OXR1: variants seen among roughly 807,000 people sequenced by gnomAD.
OXR1 encodes oxidation resistance protein 1.
OXR1 carries 41 observed loss-of-function variants against 104.6 expected under a neutral mutation model. The observed-to-expected ratio is 0.39, with a 90% CI of 0.31 to 0.51. The LOEUF is 0.51. Ranked by LOEUF, OXR1 falls within the 20% of genes least tolerant of loss-of-function variation. The probability of loss-of-function intolerance (pLI) is 0.77; values close to 1 mark genes in which losing one functional copy is unlikely to be tolerated. For missense variants in OXR1, 955 were observed against 1,031.9 expected (o/e 0.93, Z 1.02); for synonymous variants, 348 against 348.4 (o/e 1.00, Z 0.01).
intron 3 of OXR1, among the ~76,000 whole-genome samples, chr8:106,605,545 A>T (rs1820306557): frequency 1.3e-5 from 2 of 151,726 alleles, no homozygotes; most frequent in Non-Finnish European, 2.9e-5. Flanking sequence ...CTGTAATTCC[A>T]GCACTTTTGG....
intron 3 of OXR1, among the ~76,000 whole-genome samples, chr8:106,627,076 C>CA (rs1056087546): frequency 1.3e-5 from 2 of 150,794 alleles, no homozygotes; most frequent in African/African-American, 2.4e-5. Flanking sequence ...AAAACCAAGG[C>CA]AAAAAAAAGT....
chr8:106,497,529 T>A (rs951668366), intron 2 of OXR1, among the ~76,000 whole-genome samples: 6 of 152,198 alleles, frequency 3.9e-5, no homozygotes, highest in African/African-American at 1.4e-4. Context: ...AAAATTGAAA[T>A]AATACAGTCT....
chr8:106,351,516 G>A lies in OXR1; in HGVS notation c.-138-7960G>A, dbSNP rs185917159. On this transcript the variant is annotated intron_variant, in intron 1 of 16. Transcript: ENST00000517566. ...GACAAAGAGAAAATAGCACATCAAAGGCCTGTAAGCTGTGGAGACACAGAT... is the reference window on the plus strand; with the variant it reads ...GACAAAGAGAAAATAGCACATCAAAAGCCTGTAAGCTGTGGAGACACAGAT... Among the ~76,000 whole-genome samples the A allele has an allele frequency of 1.6e-3, 243 of 152,292 alleles. 1 individual carries two copies. Among genetic ancestry groups the A allele is most frequent in the African/African-American group, 5.7e-3 (239 of 41,568 alleles).
intron 3 of OXR1, among the ~76,000 whole-genome samples, chr8:106,532,200 G>A (rs1197804297): frequency 6.6e-6 from 1 of 152,220 alleles, no homozygotes; most frequent in Non-Finnish European, 1.5e-5. Context: ...GTGTCTTGAT[G>A]AGATTGCTTT....
intron 7 of OXR1, among the ~76,000 whole-genome samples, chr8:106,696,789 C>A (rs1374095669): frequency 1.3e-5 from 2 of 152,156 alleles, no homozygotes; most frequent in Non-Finnish European, 2.9e-5. Context: ...CCTCAAGCCC[C>A]AGACCATGGT....
At chr8:106,305,672 A>C (rs1399432887) in intron 1 of OXR1, among the ~76,000 whole-genome samples, 1 of 152,054 alleles carries the variant, frequency 6.6e-6, no homozygotes, top group Non-Finnish European at 1.5e-5. Flanking sequence ...GCTGCTTCTC[A>C]TGTTTTTTTA....
chr8:106,610,105 T>A (rs1457290476), intron 3 of OXR1, among the ~76,000 whole-genome samples: 1 of 151,940 alleles, frequency 6.6e-6, no homozygotes, highest in Non-Finnish European at 1.5e-5. Flanking sequence ...CTTTTGATTT[T>A]TTTTTTTTTT....
chr8:106,327,799 G>C (rs1814534200), intron 1 of OXR1, among the ~76,000 whole-genome samples: 1 of 152,190 alleles, frequency 6.6e-6, no homozygotes, highest in African/African-American at 2.4e-5. Flanking sequence ...CATAATTCAA[G>C]TTAATCTATC....
intron 4 of OXR1, chr8:106,682,675 A>G (rs1828294723): frequency 1.3e-5 from 2 of 154,260 alleles, no homozygotes; most frequent in Admixed American, 1.3e-4. Flanking sequence ...CTCATTATTT[A>G]TGATTTCTAC....
chr8:106,679,408 T>C, intron 4 of OXR1, 116 bp downstream of exon 4: 1 of 469,424 alleles, frequency 2.1e-6, no homozygotes, highest in Non-Finnish European at 3.8e-6. Context: ...TTTAAAAATC[T>C]GTATTTCACT....
chr8:106,720,610 A>G (rs1043593243), intron 11 of OXR1: 1 of 386,150 alleles, frequency 2.6e-6, no homozygotes, highest in Non-Finnish European at 3.5e-6. Context: ...TTAAGAAAAC[A>G]TATTTTCTCC....
intron 3 of OXR1, among the ~76,000 whole-genome samples, chr8:106,574,307 C>A (rs1817675543): frequency 6.6e-6 from 1 of 152,156 alleles, no homozygotes; most frequent in Non-Finnish European, 1.5e-5. Flanking sequence ...ATTCCTCTGG[C>A]TTCCTTAATA....
intron 3 of OXR1, among the ~76,000 whole-genome samples, chr8:106,657,005 G>C (rs1425281025): frequency 6.6e-6 from 1 of 151,852 alleles, no homozygotes; most frequent in African/African-American, 2.4e-5. Context: ...CAAGAAAGAG[G>C]GTTTAATTTA....
At chr8:106,431,682 T>C (rs1048428870) in intron 2 of OXR1, among the ~76,000 whole-genome samples, 1 of 152,238 alleles carries the variant, frequency 6.6e-6, no homozygotes, top group African/African-American at 2.4e-5. Flanking sequence ...ACAGCACCTA[T>C]ACTAGCATCT....
chr8:106,634,902 G>A (rs1823005677), intron 3 of OXR1, among the ~76,000 whole-genome samples: 1 of 150,888 alleles, frequency 6.6e-6, no homozygotes. Flanking sequence ...CAGCAACATT[G>A]GCACTACCTG....
chr8:106,632,483 C>T (rs1030383188), intron 3 of OXR1, among the ~76,000 whole-genome samples: 4 of 152,128 alleles, frequency 2.6e-5, no homozygotes, highest in Non-Finnish European at 5.9e-5. Flanking sequence ...GAAAATCAAA[C>T]AAGCTGTCAA....
intron 3 of OXR1, among the ~76,000 whole-genome samples, chr8:106,537,651 T>C (rs1489351768): frequency 6.7e-6 from 1 of 150,292 alleles, no homozygotes; most frequent in Non-Finnish European, 1.5e-5. Flanking sequence ...CTGCACATTG[T>C]GCATATGTAC....
Position 106,588,108 on chromosome 8 carries a change from C to T in OXR1, c.220+68969C>T, listed in dbSNP as rs185407899. ...CTGGGACTACAGGCACCCGCCACCA[C>T]GCCCGGCTAATTATTTTTGTTTTTG... On this transcript the variant is annotated intron_variant, in intron 3 of 16. Transcript: ENST00000517566. Among the ~76,000 whole-genome samples, 215 of 152,018 alleles carry T rather than the reference C, an allele frequency of 1.4e-3. 1 individual carries two copies. The highest frequency in any genetic ancestry group is 5.0e-3 in the African/African-American group (209 of 41,464).
At chr8:106,431,855 AT>A (rs1819372966) in intron 2 of OXR1, among the ~76,000 whole-genome samples, 1 of 152,234 alleles carries the variant, frequency 6.6e-6, no homozygotes, top group Non-Finnish European at 1.5e-5. Context: ...TAAAGCAAAC[AT>A]TTGATAACCT....
Sources: allele counts gnomAD v4.1 joint callset (sites outside exome capture counted in the v4.1 genomes callset), GRCh38; gene constraint gnomAD v4.1.1; transcripts MANE v1.5; gene names NCBI Gene and HGNC (gene_info 2026-07-23, HGNC 2026-07-21).